CDH13: variants seen among roughly 807,000 people sequenced by gnomAD.
CDH13 encodes cadherin 13.
CDH13 carries 24 observed loss-of-function variants against 63.8 expected under a neutral mutation model. That is an observed-to-expected ratio of 0.38 (90% CI 0.27 to 0.53). The LOEUF (loss-of-function observed/expected upper bound fraction) is 0.53. CDH13 is among the 20% of genes least tolerant of loss of function. The pLI is 0.85. For synonymous variants in CDH13, 503 were observed against 355.3 expected, an observed-to-expected ratio of 1.42 and a Z score of -4.67; for missense variants, 1,049 against 903.1, an observed-to-expected ratio of 1.16 and a Z score of -2.07.
intron 2 of CDH13, among the ~76,000 whole-genome samples, chr16:83,026,339 G>C (rs917227102): frequency 6.6e-6 from 1 of 152,176 alleles, no homozygotes; most frequent in African/African-American, 2.4e-5. Context: ...CTCGCTCTAG[G>C]CCTTTCTGGA....
intron 6 of CDH13, among the ~76,000 whole-genome samples, chr16:83,414,583 C>T (rs1454001252): frequency 2.0e-5 from 3 of 151,618 alleles, no homozygotes; most frequent in Non-Finnish European, 1.5e-5. Flanking sequence ...TTTTCCCTCC[C>T]CCTAGACCCT....
intron 2 of CDH13, among the ~76,000 whole-genome samples, chr16:82,893,622 G>T (rs9927838): frequency 6.6e-6 from 1 of 152,208 alleles, no homozygotes; most frequent in African/African-American, 2.4e-5. Context: ...GGATATGCTT[G>T]CCAGGTCTGG....
intron 1 of CDH13, among the ~76,000 whole-genome samples, chr16:82,710,552 A>AAAAATATATATATAT (rs60196638): frequency 1.1e-4 from 7 of 63,778 alleles, no homozygotes; most frequent in East Asian, 9.4e-4. Context: ...AAAAAAAAAA[A>AAAAATATATATATAT]ATATATATAT....
intron 1 of CDH13, among the ~76,000 whole-genome samples, chr16:82,742,312 A>C (rs1257067268): frequency 1.3e-5 from 2 of 152,118 alleles, no homozygotes; most frequent in Non-Finnish European, 2.9e-5. Flanking sequence ...TCTTATTTTT[A>C]TTTTTTTCTT....
chr16:83,237,289 T>C (rs1235200766), intron 5 of CDH13, among the ~76,000 whole-genome samples: 2 of 152,206 alleles, frequency 1.3e-5, no homozygotes, highest in Non-Finnish European at 2.9e-5. Flanking sequence ...GGTCACAGCC[T>C]AGTGACCCAC....
chr16:82,986,310 A>G (rs1247874479), intron 2 of CDH13, among the ~76,000 whole-genome samples: 1 of 152,220 alleles, frequency 6.6e-6, no homozygotes, highest in East Asian at 1.9e-4. Context: ...GGTCAGTGAC[A>G]AACCTTTGAC....
chr16:83,619,947 A>T (rs549561955), intron 8 of CDH13, among the ~76,000 whole-genome samples: 1 of 152,262 alleles, frequency 6.6e-6, no homozygotes, highest in East Asian at 1.9e-4. Flanking sequence ...GGCAGGAGGA[A>T]CTGAAAGCCA....
intron 2 of CDH13, among the ~76,000 whole-genome samples, chr16:82,977,536 CT>C (rs1909689163): frequency 1.3e-5 from 2 of 152,120 alleles, no homozygotes; most frequent in African/African-American, 4.8e-5. Flanking sequence ...GGCACTTCCC[CT>C]TGCTGCCACC....
At chr16:83,416,922 T>G (rs2071566955) in intron 6 of CDH13, among the ~76,000 whole-genome samples, 1 of 152,210 alleles carries the variant, frequency 6.6e-6, no homozygotes, top group Non-Finnish European at 1.5e-5. Flanking sequence ...GTGCAAAGTC[T>G]TTAGAACAGT....
At position 82,736,611 on chromosome 16, in the gene CDH13, A is replaced by AT. The variant is rs1050778037; in HGVS notation, c.45+109481dup. 3.9e-5 allele frequency among the ~76,000 whole-genome samples: 6 copies of AT among 152,186 alleles called. No individual in the cohort carries two copies. The East Asian group carries it at 1.2e-3, about 29-fold the overall frequency. On this transcript the variant is annotated intron_variant, in intron 1 of 13. Transcript: ENST00000567109. The stretch of plus-strand genomic sequence containing the variant: ...TTGTTAAGGTTCATTTTGTGATGGT[A>AT]TTTTTTTCCTCTCTCCGCTAGCTTA...
At chr16:83,490,627 T>C (rs1334974742) in intron 7 of CDH13, among the ~76,000 whole-genome samples, 2 of 152,164 alleles carry the variant, frequency 1.3e-5, no homozygotes, top group African/African-American at 4.8e-5. Flanking sequence ...ATTTGTGGGA[T>C]GATGTTTGGC....
At chr16:83,283,879 C>A (rs781740974) in intron 5 of CDH13, among the ~76,000 whole-genome samples, 7 of 152,030 alleles carry the variant, frequency 4.6e-5, no homozygotes, top group Non-Finnish European at 8.8e-5. Context: ...CTCCTGGAGG[C>A]TGGGGATATA....
chr16:83,345,956 T>C (rs543108505), intron 6 of CDH13, among the ~76,000 whole-genome samples: 2 of 152,248 alleles, frequency 1.3e-5, no homozygotes, highest in South Asian at 4.1e-4. Flanking sequence ...ATCAGTGACA[T>C]GTAGATACAT....
intron 2 of CDH13, among the ~76,000 whole-genome samples, chr16:82,962,765 G>C (rs1434766361): frequency 6.6e-6 from 1 of 152,130 alleles, no homozygotes; most frequent in African/African-American, 2.4e-5. Flanking sequence ...CAGATCTCAA[G>C]GTGTCAGTAT....
At chr16:83,206,913 G>T (rs1461698053) in intron 4 of CDH13, among the ~76,000 whole-genome samples, 1 of 152,054 alleles carries the variant, frequency 6.6e-6, no homozygotes, top group Non-Finnish European at 1.5e-5. Context: ...ACCACAGTAG[G>T]TTAAACAAAC....
intron 1 of CDH13, among the ~76,000 whole-genome samples, chr16:82,789,916 A>C (rs1454190821): frequency 6.6e-6 from 1 of 152,104 alleles, no homozygotes; most frequent in Non-Finnish European, 1.5e-5. Context: ...CAGGGTGGTG[A>C]GGCAATTAGT....
chr16:83,413,108 A>G (rs183035103), intron 6 of CDH13, among the ~76,000 whole-genome samples: 20 of 152,302 alleles, frequency 1.3e-4, no homozygotes, highest in Admixed American at 9.2e-4. Context: ...ATGCCATTTC[A>G]CAGTCTGTAT....
At chr16:83,135,751 A>G (rs927384625) in intron 4 of CDH13, among the ~76,000 whole-genome samples, 11 of 152,236 alleles carry the variant, frequency 7.2e-5, no homozygotes, top group African/African-American at 2.4e-4. Flanking sequence ...ACAACTCACA[A>G]TTGCAAAATC....
intron 6 of CDH13, among the ~76,000 whole-genome samples, chr16:83,447,046 C>G (rs949080180): frequency 1.8e-5 from 2 of 109,026 alleles, no homozygotes; most frequent in African/African-American, 7.4e-5. Flanking sequence ...CCACTGGTCA[C>G]CCGTCTTAAA....
Sources: allele counts gnomAD v4.1 joint callset (sites outside exome capture counted in the v4.1 genomes callset), GRCh38; gene constraint gnomAD v4.1.1; transcripts MANE v1.5; gene names NCBI Gene and HGNC (gene_info 2026-07-23, HGNC 2026-07-21).